DGKB: variants seen among roughly 807,000 people sequenced by gnomAD.
DGKB encodes the protein diacylglycerol kinase beta.
A neutral mutation model predicts 114.3 loss-of-function variants in DGKB; 67 were observed. That is an observed-to-expected ratio of 0.59 (90% CI 0.48 to 0.72). DGKB has a LOEUF of 0.72. Among genes scored for constraint, DGKB ranks in the 30% least tolerant of loss-of-function variants. The pLI, the probability that DGKB is intolerant of heterozygous loss-of-function variation, is 0.00. For synonymous variants in DGKB, 398 were observed against 323.1 expected (o/e 1.23, Z -2.49); for missense variants, 907 against 975.2 (o/e 0.93, Z 0.93).
intron 23 of DGKB, chr7:14,209,442 A>G (rs1031631585): frequency 2.1e-6 from 1 of 472,164 alleles, no homozygotes; most frequent in Admixed American, 2.3e-5. Context: ...TAGGACAGCA[A>G]CTACACAAGG....
Position 14,574,198 on chromosome 7 carries a change from G to C in DGKB, c.1770+14C>G. 6.2e-7 allele frequency: 1 copy of C among 1,607,442 alleles called. No homozygotes were observed. The highest frequency in any genetic ancestry group is 8.5e-7 in the Non-Finnish European group (1 of 1,176,198). Reference sequence around the variant, plus strand: ...AGTACAGGTACAAAGGTAAAATTTAGTGGAGAATCTTACCACGCCAATGGA... The same window carrying C: ...AGTACAGGTACAAAGGTAAAATTTACTGGAGAATCTTACCACGCCAATGGA... On this transcript the variant is annotated intron_variant, in intron 20 of 25. Coordinates refer to ENST00000402815, the MANE Select transcript of DGKB (RefSeq NM_001350709.2).
At chr7:14,850,337 A>T (rs1849184213) in intron 1 of DGKB, among the ~76,000 whole-genome samples, 1 of 122,260 alleles carries the variant, frequency 8.2e-6, no homozygotes, top group Admixed American at 9.3e-5. Context: ...TGAAATCGAG[A>T]GACTTTTTTT....
chr7:14,196,973 C>T (rs1562590658), intron 23 of DGKB, among the ~76,000 whole-genome samples: 2 of 152,066 alleles, frequency 1.3e-5, no homozygotes, highest in East Asian at 1.9e-4. Flanking sequence ...CATGACTAAT[C>T]GTAGTGTGAA....
intron 14 of DGKB, among the ~76,000 whole-genome samples, chr7:14,627,377 C>T (rs998169544): frequency 8.6e-5 from 13 of 151,930 alleles, no homozygotes; most frequent in Non-Finnish European, 1.6e-4. Flanking sequence ...CCATAAGTCC[C>T]GGTTTTCACA....
At chr7:14,374,865 A>T (rs897550478) in intron 21 of DGKB, among the ~76,000 whole-genome samples, 2 of 152,088 alleles carry the variant, frequency 1.3e-5, no homozygotes, top group African/African-American at 4.8e-5. Context: ...GACAATCAAA[A>T]ATGCCTCCAG....
chr7:14,634,130 C>A (rs1349972142), intron 13 of DGKB, among the ~76,000 whole-genome samples: 1 of 151,016 alleles, frequency 6.6e-6, no homozygotes, highest in East Asian at 1.9e-4. Context: ...CTTATACCTA[C>A]ATAAGAACAT....
At chr7:14,939,271 C>T (rs1045511258) in intron 1 of DGKB, among the ~76,000 whole-genome samples, 11 of 152,120 alleles carry the variant, frequency 7.2e-5, no homozygotes, top group African/African-American at 2.4e-4. Context: ...CAGAATTTAT[C>T]TCGTGCCCAG....
At chr7:14,744,020 A>G (rs1165763774) in intron 4 of DGKB, among the ~76,000 whole-genome samples, 1 of 151,906 alleles carries the variant, frequency 6.6e-6, no homozygotes, top group Non-Finnish European at 1.5e-5. Context: ...AATGGACTGA[A>G]CTAATAGAAA....
Position 14,318,753 on chromosome 7 carries a change from G to A in DGKB, c.2122+19762C>T, listed in dbSNP as rs565926119. Among the ~76,000 whole-genome samples the A allele has an allele frequency of 2.3e-4, 35 of 152,190 alleles. No individual in the cohort carries two copies. In the South Asian group the frequency reaches 5.4e-3, roughly 23 times the overall value. ...GCGATTCCTCAGGGATCTAGAACTAGAAATACCATTTGACCCAGCCATCCC... is the reference window on the plus strand; with the variant it reads ...GCGATTCCTCAGGGATCTAGAACTAAAAATACCATTTGACCCAGCCATCCC... On this transcript the variant is annotated intron_variant, in intron 23 of 25. Coordinates refer to ENST00000402815, the MANE Select transcript of DGKB (RefSeq NM_001350709.2).
intron 21 of DGKB, among the ~76,000 whole-genome samples, chr7:14,424,886 G>A (rs1248620104): frequency 1.3e-5 from 2 of 152,044 alleles, no homozygotes; most frequent in East Asian, 1.9e-4. Flanking sequence ...CTGTGGACAA[G>A]GTCATATCCT....
At chr7:14,581,170 T>A (rs181873588) in intron 18 of DGKB, among the ~76,000 whole-genome samples, 63 of 152,274 alleles carry the variant, frequency 4.1e-4, no homozygotes, top group Non-Finnish European at 7.4e-4. Context: ...CACGGAATGA[T>A]GGAATTTTCA....
chr7:14,779,182 G>T (rs1186314916), intron 2 of DGKB, among the ~76,000 whole-genome samples: 3 of 151,980 alleles, frequency 2.0e-5, no homozygotes, highest in Non-Finnish European at 4.4e-5. Context: ...AATATGAAAA[G>T]TTTGTCATCT....
At chr7:14,642,748 C>A (rs933973494) in intron 13 of DGKB, among the ~76,000 whole-genome samples, 3 of 152,134 alleles carry the variant, frequency 2.0e-5, no homozygotes, top group Admixed American at 1.3e-4. Flanking sequence ...AAACTTACTA[C>A]ATTTTATTTT....
intron 17 of DGKB, among the ~76,000 whole-genome samples, chr7:14,595,534 GC>G (rs34485631): frequency 0.57 from 85,617 of 150,448 alleles, 25,448 homozygotes; most frequent in African/African-American, 0.75. Flanking sequence ...AAAAATTGAG[GC>G]CCCCCTTTAA....
chr7:14,684,605 T>C (rs1015549242), intron 10 of DGKB, among the ~76,000 whole-genome samples: 9 of 152,108 alleles, frequency 5.9e-5, no homozygotes, highest in South Asian at 2.1e-4. Context: ...CAGACCTGAG[T>C]TAACAGAATA....
chr7:14,874,897 G>C (rs950246407), intron 1 of DGKB, among the ~76,000 whole-genome samples: 7 of 152,060 alleles, frequency 4.6e-5, no homozygotes, highest in African/African-American at 1.7e-4. Flanking sequence ...GGAAAAAACA[G>C]CTTTACAGTA....
intron 23 of DGKB, among the ~76,000 whole-genome samples, chr7:14,192,365 C>T (rs934682738): frequency 1.3e-5 from 2 of 151,844 alleles, no homozygotes; most frequent in African/African-American, 2.4e-5. Flanking sequence ...TTTACCATAG[C>T]TACAAAAAAA....
At chr7:14,661,721 C>T (rs567801692) in intron 13 of DGKB, among the ~76,000 whole-genome samples, 49 of 151,394 alleles carry the variant, frequency 3.2e-4, no homozygotes, top group Admixed American at 2.2e-3. Context: ...ACCCAAAGGA[C>T]TATAAATCAT....
intron 23 of DGKB, among the ~76,000 whole-genome samples, chr7:14,187,144 A>C (rs1783565898): frequency 6.6e-6 from 1 of 152,358 alleles, no homozygotes; most frequent in East Asian, 1.9e-4. Context: ...TTCAAATGTA[A>C]TCACAAAATT....
Sources: gnomAD v4.1 joint callset for allele counts (sites outside exome capture counted in the v4.1 genomes callset) on GRCh38, gnomAD v4.1.1 for gene constraint, MANE v1.5 for transcripts, NCBI Gene and HGNC (gene_info 2026-07-23, HGNC 2026-07-21) for gene names.